The following ABCA2 variants were observed in gnomAD, a reference collection of about 807,000 sequenced individuals.
The protein encoded by ABCA2 is ATP-binding cassette sub-family A member 2.
A neutral mutation model predicts 262.8 loss-of-function variants in ABCA2; 84 were observed. The observed-to-expected ratio is 0.32, with a 90% CI of 0.27 to 0.38. ABCA2 has a LOEUF of 0.38. Ranked by LOEUF, ABCA2 falls within the 10% of genes least tolerant of loss-of-function variation. The pLI, the probability that ABCA2 is intolerant of heterozygous loss-of-function variation, is 1.00. For missense variants in ABCA2, 2,662 were observed against 3,405.9 expected, an observed-to-expected ratio of 0.78 and a Z score of 5.44; for synonymous variants, 1,696 against 1,502.9, an observed-to-expected ratio of 1.13 and a Z score of -2.97.
chr9:137,017,935 C>T (rs1831319239), intron 15 of ABCA2, 34 bp from the exon 16 acceptor site: 1 of 1,611,402 alleles, frequency 6.2e-7, no homozygotes, highest in South Asian at 1.1e-5. Context: ...GCCACTCAGC[C>T]CCAGCCCCAG....
Position 137,014,727 on chromosome 9 carries a change from C to A in ABCA2, c.3966G>T (p.Val1322=). The A allele has an allele frequency of 6.2e-7, 1 of 1,605,374 alleles. No individual in the cohort carries two copies. The highest frequency in any genetic ancestry group is 8.5e-7 in the Non-Finnish European group (1 of 1,177,174). The change falls in exon 26 of 49, where the codon GTG becomes GTT. Residue 1322 remains valine (V), a synonymous_variant. Coordinates refer to ENST00000341511, the MANE Select transcript of ABCA2 (RefSeq NM_001606.5). ...TCTCCAGCGACTGATCCTCCTCCGACACCTTGAGGAACACTTCCTCCAGGG... is the reference window on the plus strand; with the variant it reads ...TCTCCAGCGACTGATCCTCCTCCGAAACCTTGAGGAACACTTCCTCCAGGG... The part of the protein sequence containing the change: ...DTTLEEVFLK[V]SEEDQSLENS...
chr9:137,013,618 C>T (rs1319743251), intron 28 of ABCA2, 55 bp from the exon 29 acceptor site: 4 of 1,526,220 alleles, frequency 2.6e-6, no homozygotes, highest in African/African-American at 1.4e-5. Flanking sequence ...CCAGCGGCCC[C>T]CAAGCCTCGG....
At chr9:137,018,872 C>A in intron 12 of ABCA2, 31 bp downstream of exon 12, 1 of 1,611,966 alleles carries the variant, frequency 6.2e-7, no homozygotes, top group South Asian at 1.1e-5. Context: ...CAGGGGGTGT[C>A]GTGGGTTGGC....
chr9:137,016,428 C>G lies in ABCA2; in HGVS notation c.2967G>C (p.Leu989=), dbSNP rs373765521. 7.4e-5 allele frequency: 119 copies of G among 1,612,714 alleles called. No individual in the cohort carries two copies. The highest frequency in any genetic ancestry group is 1.7e-4 in the Admixed American group (10 of 59,996). Residue 989 remains leucine, a synonymous_variant, in exon 21 of 49, where the codon CTG becomes CTC. Coordinates refer to ENST00000341511, the MANE Select transcript of ABCA2 (RefSeq NM_001606.5). ...GMEEEPTHLP[L]VVCVDKLTKV... is the part of the protein sequence containing the mutation. The stretch of plus-strand genomic sequence containing the variant: ...TGGTGAGTTTGTCCACGCAGACAAC[C>G]AGAGGCAGGTGGGTGGGCTCCTCCT...
chr9:137,007,906 C>A lies in ABCA2; in HGVS notation c.*23G>T. The A allele has an allele frequency of 6.2e-7, 1 of 1,604,364 alleles. No homozygotes were observed. On this transcript the variant is annotated 3_prime_UTR_variant, in exon 49 of 49. Coordinates refer to ENST00000341511, the MANE Select transcript of ABCA2 (RefSeq NM_001606.5). ...CTCTGGGTGGTCAGTGGAGCGTGTC[C>A]TCCCTGGCCCAGCTCTGGGTGGTCA...
intron 45 of ABCA2, 144 bp from the exon 46 acceptor site, chr9:137,009,197 C>T: frequency 3.0e-6 from 3 of 994,796 alleles, no homozygotes; most frequent in Non-Finnish European, 4.4e-6. Context: ...GCCCCCACAG[C>T]CCTCCAGGCT....
chr9:137,023,472 C>T (rs1831548313), intron 3 of ABCA2: 1 of 724,708 alleles, frequency 1.4e-6, no homozygotes, highest in Admixed American at 1.7e-5. Context: ...AGTGCAAGAG[C>T]CTGAAGGAGT....
intron 1 of ABCA2, among the ~76,000 whole-genome samples, chr9:137,027,238 G>A (rs1274431227): frequency 1.3e-5 from 2 of 152,206 alleles, no homozygotes; most frequent in Non-Finnish European, 2.9e-5. Flanking sequence ...AAGCTGGCCA[G>A]CTGGGGGTAT....
rs6560657 is a variant in ABCA2, at chr9:137,016,196, T to C, written c.3105-22A>G. The C allele has an allele frequency of 0.97, 1,565,185 of 1,612,206 alleles. 759,878 individuals carry two copies. Among genetic ancestry groups the C allele is most frequent in the East Asian group, 1 (44,748 of 44,858 alleles). On this transcript the variant is annotated intron_variant, in intron 21 of 48. Coordinates refer to ENST00000341511, the MANE Select transcript of ABCA2 (RefSeq NM_001606.5). ...GGACCTGGGTAGGTGGGCGGGGTCA[T>C]GACCCCACGCCCTCTGCAGGGGCCC...
Position 137,013,084 on chromosome 9 carries a change from C to T in ABCA2, c.4785G>A (p.Ser1595=), listed in dbSNP as rs974096352. ...ACGCTGGCGAGTCAGATGGGGCGGG[C>T]GAGGGTGGGGGTGGCACGAAATTGG... The part of the protein sequence containing the change: ...PLSNFVPPPP[S]PAPSDSPASP... Residue 1595 remains serine, a synonymous_variant, in exon 30 of 49, where the codon TCG becomes TCA. Transcript: ENST00000341511. The T allele has an allele frequency of 2.8e-5, 37 of 1,299,160 alleles. No homozygotes were observed. Among genetic ancestry groups the T allele is most frequent in the Non-Finnish European group, 3.7e-5 (35 of 952,582 alleles). The allele number at this position is 1,299,160 out of a possible 1,614,324, so 80.5% of individuals were successfully genotyped here. A position where few individuals can be genotyped will look rare whatever the true frequency, so the allele number is the denominator to read the frequency against.
intron 17 of ABCA2, 28 bp downstream of exon 17, chr9:137,017,474 G>A: frequency 6.3e-7 from 1 of 1,599,554 alleles, no homozygotes; most frequent in Non-Finnish European, 8.5e-7. Flanking sequence ...GCCTGCCCCA[G>A]GTCCCTCCTA....
At position 137,012,083 on chromosome 9, in the gene ABCA2, C is replaced by T. The variant is rs1473913619; in HGVS notation, c.5360+19G>A. 1.2e-6 allele frequency: 2 copies of T among 1,612,666 alleles called. No individual in the cohort carries two copies. The highest frequency in any genetic ancestry group is 1.7e-5 in the Admixed American group (1 of 60,018). ...CAGTGCCCACCTGCCCCACCTCATC[C>T]CCCACTGGCCACACTTACAGGTAAT... is the stretch of plus-strand genomic sequence containing the variant. On this transcript the variant is annotated intron_variant, in intron 34 of 48. Transcript: ENST00000341511.
rs1831121284 is a variant in ABCA2 at position 137,013,048 on chromosome 9, C to T, written c.4821G>A (p.Glu1607=). Residue 1607 remains glutamate (E), a synonymous_variant, in exon 30 of 49, where the codon GAG becomes GAA. Transcript: ENST00000341511. The stretch of plus-strand genomic sequence containing the variant: ...GGGAGACGTTCCAGGCCTGCAGGTC[C>T]TCATCCGGGGACGCTGGCGAGTCAG... ...APSDSPASPD[E]DLQAWNVSLP... is the part of the protein sequence containing the mutation. The T allele has an allele frequency of 6.5e-7, 1 of 1,544,794 alleles. No individual in the cohort carries two copies. Among genetic ancestry groups the T allele is most frequent in the African/African-American group, 1.4e-5 (1 of 73,686 alleles).
Position 137,021,362 on chromosome 9 carries a change from G to GC in ABCA2, c.897+29dup, listed in dbSNP as rs1197167475. On this transcript the variant is annotated intron_variant, in intron 8 of 48. Transcript: ENST00000341511. This position sits in a 1 kb window ranked among gnomAD's most constrained non-coding sequence, Gnocchi z 6.0. ...TCCTTCAACTCAGGCAGCAAGCAGC[G>GC]CAGCGGGCAGTGGGCAGGCAGGGCC... 1 of 1,596,932 alleles carries GC rather than the reference G, an allele frequency of 6.3e-7. No individual in the cohort carries two copies. The highest frequency in any genetic ancestry group is 8.5e-7 in the Non-Finnish European group (1 of 1,176,588).
At chr9:137,008,680 G>A (rs1326817296) in intron 47 of ABCA2, 51 bp downstream of exon 47, 1 of 1,560,876 alleles carries the variant, frequency 6.4e-7, no homozygotes, top group Non-Finnish European at 8.7e-7. Flanking sequence ...GAGGGGCAGG[G>A]CGGGTGAGGG....
rs757618543 is a variant in ABCA2 at position 137,008,635 on chromosome 9, G to A, written c.7069-13C>T. ...AGTTCACGAACACCTGGTGGGTGGC[G>A]CAGGCGTGTGGGGAGGGGGCTGGTC... On this transcript the variant is annotated splice_polypyrimidine_tract_variant and intron_variant, in intron 47 of 48. Coordinates refer to ENST00000341511, the MANE Select transcript of ABCA2 (RefSeq NM_001606.5). 2.3e-5 allele frequency: 36 copies of A among 1,596,968 alleles called. No homozygotes were observed. Among genetic ancestry groups the A allele is most frequent in the East Asian group, 4.5e-5 (2 of 44,276 alleles).
intron 1 of ABCA2, among the ~76,000 whole-genome samples, chr9:137,024,498 A>T (rs1371227084): frequency 1.3e-5 from 2 of 152,202 alleles, no homozygotes; most frequent in African/African-American, 4.8e-5. Context: ...CTCAGGGCCT[A>T]CAGGGACAAA....
Position 137,020,890 on chromosome 9 carries a change from G to A in ABCA2, c.1069C>T (p.Pro357Ser), listed in dbSNP as rs775842224. 1.3e-6 allele frequency: 2 copies of A among 1,551,360 alleles called. No homozygotes were observed. The highest frequency in any genetic ancestry group is 4.0e-5 in the Admixed American group (2 of 50,356). The change falls in exon 9 of 49, where the codon CCC becomes TCC. Residue 357 changes from proline to serine, a missense_variant. Coordinates refer to ENST00000341511, the MANE Select transcript of ABCA2 (RefSeq NM_001606.5). ...LPQGACTGRT[P>S]GPPASGAGGA... is the part of the protein sequence containing the mutation. Reference sequence around the variant, plus strand: ...CCCGCACCACTGGCTGGGGGTCCGGGGGTCCGGCCAGTGCAGGCACCCTGG... The same window carrying A: ...CCCGCACCACTGGCTGGGGGTCCGGAGGTCCGGCCAGTGCAGGCACCCTGG...
intron 18 of ABCA2, 31 bp downstream of exon 18, chr9:137,017,165 C>A (rs755553116): frequency 6.2e-6 from 10 of 1,611,618 alleles, no homozygotes; most frequent in Middle Eastern, 3.3e-4. Flanking sequence ...TGGCCCGGCA[C>A]CCCAGCCGCC....
Sources: gnomAD v4.1 joint callset for allele counts (sites outside exome capture counted in the v4.1 genomes callset) on GRCh38, gnomAD v4.1.1 for gene constraint, Gnocchi (gnomAD v3.1) non-coding constraint, MANE v1.5 for transcripts, NCBI Gene and HGNC (gene_info 2026-07-23, HGNC 2026-07-21) for gene names.